TRIM24: variants seen among roughly 807,000 people sequenced by gnomAD.
TRIM24 encodes the protein transcription intermediary factor 1-alpha.
Under a neutral mutation model 123.9 loss-of-function variants are expected in TRIM24, and 29 were observed. The observed-to-expected ratio is 0.23, with a 90% CI of 0.17 to 0.32. TRIM24 has a LOEUF of 0.32. TRIM24 is among the 10% of genes least tolerant of loss of function. The probability of loss-of-function intolerance (pLI) is 1.00; values close to 1 mark genes in which losing one functional copy is unlikely to be tolerated. For missense variants in TRIM24, 932 were observed against 1,295.3 expected, an observed-to-expected ratio of 0.72 and a Z score of 4.31; for synonymous variants, 456 against 461.1, an observed-to-expected ratio of 0.99 and a Z score of 0.14.
At chr7:138,573,664 T>C in intron 12 of TRIM24, 22 bp downstream of exon 12, 1 of 1,585,246 alleles carries the variant, frequency 6.3e-7, no homozygotes, top group Non-Finnish European at 8.5e-7. Flanking sequence ...TTCTTTTGAT[T>C]TTTGTGAAAG....
intron 6 of TRIM24, among the ~76,000 whole-genome samples, chr7:138,531,123 T>C (rs936174816): frequency 2.6e-4 from 39 of 150,968 alleles, no homozygotes; most frequent in African/African-American, 9.4e-4. Context: ...TCCTGGCTAA[T>C]TTATTATTAT....
In TRIM24 at chr7:138,585,577, C is replaced by A; in HGVS notation, c.*626C>A. 6.1e-6 allele frequency: 2 copies of A among 327,754 alleles called. No homozygotes were observed. Among genetic ancestry groups the A allele is most frequent in the South Asian group, 2.7e-5 (1 of 36,544 alleles). The allele number at this position is 327,754 out of a possible 1,614,324, so 20.3% of individuals were successfully genotyped here. On this transcript the variant is annotated 3_prime_UTR_variant, in exon 19 of 19. Coordinates refer to ENST00000343526, the MANE Select transcript of TRIM24 (RefSeq NM_015905.3). ...GATGGCAACTGTATTAAAGAAAAAT[C>A]CGGAAAACAAATGTTTGATTTTTGT...
At chr7:138,490,673 G>A (rs1795761602) in intron 1 of TRIM24, 1 of 398,270 alleles carries the variant, frequency 2.5e-6, no homozygotes. Flanking sequence ...TACCTTCACT[G>A]TGAAGCTCCA....
intron 1 of TRIM24, among the ~76,000 whole-genome samples, chr7:138,484,426 T>TA (rs2116484356): frequency 6.6e-6 from 1 of 151,668 alleles, no homozygotes; most frequent in Admixed American, 6.6e-5. Context: ...TTTTTTTTTT[T>TA]AATATACTTT....
chr7:138,463,989 C>CATTTTTTTTTTTTTTTTTTTTTTT (rs1554429651), intron 1 of TRIM24, among the ~76,000 whole-genome samples: 1 of 50,766 alleles, frequency 2.0e-5, no homozygotes, highest in African/African-American at 8.2e-5. Context: ...AAAATTTAGA[C>CATTTTTTTTTTTTTTTTTTTTTTT]TTTTTTTTTT....
chr7:138,476,363 G>C (rs1365051993), intron 1 of TRIM24, among the ~76,000 whole-genome samples: 1 of 152,198 alleles, frequency 6.6e-6, no homozygotes, highest in Non-Finnish European at 1.5e-5. Context: ...GGGAGGCCAA[G>C]GTGGGTGGAT....
chr7:138,568,409 T>TTTTTA (rs1491153957), intron 10 of TRIM24, among the ~76,000 whole-genome samples: 1 of 117,252 alleles, frequency 8.5e-6, no homozygotes, highest in African/African-American at 3.7e-5. Context: ...TTTTTTTTTT[T>TTTTTA]AAAGTCTCTC....
At position 138,521,992 on chromosome 7, in the gene TRIM24, G is replaced by A. The variant is rs1019497808; in HGVS notation, c.764+2671G>A. Among the ~76,000 whole-genome samples the A allele has an allele frequency of 3.9e-5, 6 of 152,270 alleles. No individual in the cohort carries two copies. The South Asian group carries it at 1.2e-3, about 32-fold the overall frequency. On this transcript the variant is annotated intron_variant, in intron 4 of 18. Transcript: ENST00000343526. ...TGCAATAATTGAAGCCGAGCAGTGT[G>A]GCAGGTGCCTGTAAGTGCTAGCTAC...
At chr7:138,555,808 C>A (rs546836177) in intron 9 of TRIM24, among the ~76,000 whole-genome samples, 2 of 152,094 alleles carry the variant, frequency 1.3e-5, no homozygotes, top group South Asian at 4.2e-4. Context: ...AAGTTGCTTC[C>A]CCTGTCACAG....
chr7:138,555,676 G>T (rs1797302229), intron 9 of TRIM24, among the ~76,000 whole-genome samples: 1 of 151,790 alleles, frequency 6.6e-6, no homozygotes, highest in South Asian at 2.1e-4. Flanking sequence ...TAGAGATGGG[G>T]TTTCACCTTG....
intron 17 of TRIM24, among the ~76,000 whole-genome samples, chr7:138,582,070 C>T (rs777857452): frequency 7.9e-5 from 12 of 152,006 alleles, no homozygotes; most frequent in South Asian, 2.1e-4. Context: ...GGCATGTTTC[C>T]GAAGCTGTTG....
intron 15 of TRIM24, 53 bp downstream of exon 15, chr7:138,579,585 A>G: frequency 6.9e-7 from 1 of 1,448,712 alleles, no homozygotes; most frequent in Non-Finnish European, 9.3e-7. Context: ...TTTGAAGATT[A>G]TTTTAACAGA....
intron 1 of TRIM24, among the ~76,000 whole-genome samples, chr7:138,476,266 A>G (rs899383360): frequency 2.0e-5 from 3 of 152,200 alleles, no homozygotes; most frequent in Middle Eastern, 3.2e-3. Flanking sequence ...GATGCTCATG[A>G]AAGATGATTA....
intron 1 of TRIM24, among the ~76,000 whole-genome samples, chr7:138,462,679 A>C (rs1795029368): frequency 6.6e-6 from 1 of 151,782 alleles, no homozygotes; most frequent in Non-Finnish European, 1.5e-5. Flanking sequence ...TGTTCCTGTG[A>C]GTAAAAAACA....
intron 8 of TRIM24, 86 bp downstream of exon 8, chr7:138,551,266 C>T (rs1207089680): frequency 8.2e-7 from 1 of 1,226,510 alleles, no homozygotes; most frequent in African/African-American, 1.5e-5. Context: ...AATATGTTCA[C>T]TTAGGCTGGG....
rs1486307855 is a variant in TRIM24, at chr7:138,538,801, C to T, written c.1141C>T (p.Leu381=). The T allele has an allele frequency of 1.9e-6, 3 of 1,613,502 alleles. No homozygotes were observed. Among genetic ancestry groups the T allele is most frequent in the Non-Finnish European group, 1.7e-6 (2 of 1,179,716 alleles). ...TACAGCATTACTTTATAGCAAACGA[C>T]TGGTAAGATAAAGTATGCTATTTAA... ...SSTALLYSKR[L]ITYRLRHLLR... is the part of the protein sequence containing the mutation. Residue 381 remains leucine (L), a splice_region_variant and synonymous_variant, in exon 7 of 19, where the codon CTG becomes TTG. Transcript: ENST00000343526.
chr7:138,567,409 A>G (rs1797556263), intron 9 of TRIM24, 72 bp from the exon 10 acceptor site: 1 of 1,394,060 alleles, frequency 7.2e-7, no homozygotes, highest in Non-Finnish European at 9.6e-7. Context: ...TAAAAGTTTT[A>G]TAAGATAGAG....
At chr7:138,527,067 A>AT (rs1488666541) in intron 5 of TRIM24, among the ~76,000 whole-genome samples, 1 of 151,764 alleles carries the variant, frequency 6.6e-6, no homozygotes, top group Non-Finnish European at 1.5e-5. Flanking sequence ...ACCGCTGTCA[A>AT]TTTTTTCCAC....
At position 138,583,891 on chromosome 7, in the gene TRIM24, G is replaced by T. The variant is rs747959155; in HGVS notation, c.2835G>T (p.Leu945Phe). Residue 945 changes from leucine to phenylalanine, a missense_variant, in exon 18 of 19, where the codon TTG becomes TTT. This residue lies in a region of TRIM24 where 104 missense variants were observed against 121.5 expected (regional missense o/e 0.86). Coordinates refer to ENST00000343526, the MANE Select transcript of TRIM24 (RefSeq NM_015905.3). ...YYKIIKNPMD[L>F]STIKKRLQED... ...AAATAATTAAAAATCCAATGGATTT[G>T]TCAACCATCAAGAAAAGACTACAAG... The T allele has an allele frequency of 2.5e-6, 4 of 1,595,382 alleles. No individual in the cohort carries two copies. Among genetic ancestry groups the T allele is most frequent in the Non-Finnish European group, 3.4e-6 (4 of 1,172,024 alleles).
Sources: gnomAD v4.1 joint callset for allele counts (sites outside exome capture counted in the v4.1 genomes callset) on GRCh38, gnomAD v4.1.1 for gene constraint, gnomAD v4.1.1 regional missense constraint, MANE v1.5 for transcripts, NCBI Gene and HGNC (gene_info 2026-07-23, HGNC 2026-07-21) for gene names.